UBN2: variants seen among roughly 807,000 people sequenced by gnomAD.
The protein encoded by UBN2 is ubinuclein-2.
UBN2 carries 35 observed loss-of-function variants against 120.2 expected under a neutral mutation model. The observed-to-expected ratio is 0.29, with a 90% CI of 0.22 to 0.39. The LOEUF is 0.39. Among genes scored for constraint, UBN2 ranks in the 10% least tolerant of loss-of-function variants. The pLI is 1.00. For missense variants in UBN2, 1,693 were observed against 1,663.2 expected (o/e 1.02, Z -0.31); for synonymous variants, 661 against 648.7 (o/e 1.02, Z -0.29).
chr7:139,278,498 A>G (rs1156632930), intron 12 of UBN2, among the ~76,000 whole-genome samples: 1 of 151,836 alleles, frequency 6.6e-6, no homozygotes, highest in Non-Finnish European at 1.5e-5. Flanking sequence ...CTTTTTTTAA[A>G]TAGCTTCATT....
rs1211719993 is a variant in UBN2, at chr7:139,299,402, C to CT, written c.*1572dup. 1 of 152,054 alleles carries CT rather than the reference C, an allele frequency of 6.6e-6. No individual in the cohort carries two copies. The highest frequency in any genetic ancestry group is 1.5e-5 in the Non-Finnish European group (1 of 67,980). The allele number at this position is 152,054 out of a possible 1,614,324, so 9.4% of individuals were successfully genotyped here. A position where few individuals can be genotyped will look rare whatever the true frequency, so the allele number is the denominator to read the frequency against. On this transcript the variant is annotated 3_prime_UTR_variant, in exon 18 of 18. Coordinates refer to ENST00000473989, the MANE Select transcript of UBN2 (RefSeq NM_173569.4). The stretch of plus-strand genomic sequence containing the variant: ...CTCAATTAAGAGTATTAACCAGGCC[C>CT]TTTTTTCTTTTATACACAAAAGTCC...
At chr7:139,319,581 A>G in the UBN2 span, among the ~76,000 whole-genome samples, 28,818 of 151,844 alleles carry the variant, frequency 0.19, 3,041 homozygotes, top group Admixed American at 0.34. Context: ...CATAGCAGAC[A>G]CTCCATCTCT....
chr7:139,267,178 C>T (rs996050253), intron 7 of UBN2, among the ~76,000 whole-genome samples: 1 of 152,096 alleles, frequency 6.6e-6, no homozygotes, highest in Non-Finnish European at 1.5e-5. Context: ...AATTTTAGCC[C>T]TCTCTGGTGA....
chr7:139,285,836 G>A (rs946415197), intron 15 of UBN2, among the ~76,000 whole-genome samples: 2 of 151,966 alleles, frequency 1.3e-5, no homozygotes, highest in East Asian at 3.9e-4. Flanking sequence ...TCCGCTTCTC[G>A]GGTTCAGGAG....
rs1306446718 is a variant in UBN2, at chr7:139,258,433, T to C, written c.664-55T>C. On this transcript the variant is annotated intron_variant, in intron 3 of 17. Transcript: ENST00000473989. The stretch of plus-strand genomic sequence containing the variant: ...CATGGTGGATGAATTTCTTTGACAT[T>C]TATAGAGTTAAAGACAACAGGATAT... The C allele has an allele frequency of 6.5e-6, 9 of 1,388,084 alleles. No individual in the cohort carries two copies. In the South Asian group the frequency reaches 1.7e-4, roughly 26 times the overall value. 86.0% of individuals were successfully genotyped at this position (1,388,084 alleles called of 1,614,324 possible). A position where few individuals can be genotyped will look rare whatever the true frequency, so the allele number is the denominator to read the frequency against.
In UBN2 at chr7:139,283,074, G is replaced by A. The variant is rs779606660; in HGVS notation, c.2169G>A (p.Ser723=). Reference sequence around the variant, plus strand: ...AAACTCCAACATCCCTGGTGGCTTCGGTTAGCGGTCCTCCAACGAGCTCCA... The same window carrying A: ...AAACTCCAACATCCCTGGTGGCTTCAGTTAGCGGTCCTCCAACGAGCTCCA... ...DQKTPTSLVA[S]VSGPPTSSST... Residue 723 remains serine (S), a synonymous_variant, in exon 15 of 18, where the codon TCG becomes TCA. Coordinates refer to ENST00000473989, the MANE Select transcript of UBN2 (RefSeq NM_173569.4). 2.5e-5 allele frequency: 41 copies of A among 1,612,686 alleles called. No individual in the cohort carries two copies. Among genetic ancestry groups the A allele is most frequent in the Non-Finnish European group, 3.1e-5 (37 of 1,179,754 alleles).
chr7:139,303,866 A>G lies in UBN2; in HGVS notation c.*6030A>G, dbSNP rs1798312630. On this transcript the variant is annotated 3_prime_UTR_variant, in exon 18 of 18. Transcript: ENST00000473989. ...CAGGTTAACAAGGGAGAGAAATAAC[A>G]CTAAGTTTAAGTAGTTTTTTTTAGC... 6.6e-6 allele frequency: 1 copy of G among 152,210 alleles called. No homozygotes were observed. Among genetic ancestry groups the G allele is most frequent in the African/African-American group, 2.4e-5 (1 of 41,464 alleles). 9.4% of individuals were successfully genotyped at this position (152,210 alleles called of 1,614,324 possible). A position where few individuals can be genotyped will look rare whatever the true frequency, so the allele number is the denominator to read the frequency against.
At chr7:139,266,272 A>G (rs2130994351) in intron 6 of UBN2, 61 bp from the exon 7 acceptor site, 1 of 1,109,938 alleles carries the variant, frequency 9.0e-7, no homozygotes, top group Non-Finnish European at 1.3e-6. Flanking sequence ...CACGTGTCCT[A>G]AGAATGCAAA....
At chr7:139,255,658 A>G (rs1273388982) in intron 3 of UBN2, among the ~76,000 whole-genome samples, 2 of 152,190 alleles carry the variant, frequency 1.3e-5, no homozygotes, top group Non-Finnish European at 2.9e-5. Flanking sequence ...TAATTCAGAC[A>G]TAAAACAACT....
intron 5 of UBN2, 85 bp downstream of exon 5, chr7:139,259,455 A>T: frequency 6.5e-7 from 1 of 1,537,746 alleles, no homozygotes; most frequent in South Asian, 1.2e-5. Context: ...CCATTAACTA[A>T]TTCAACCTAG....
chr7:139,328,738 C>T, the UBN2 span, among the ~76,000 whole-genome samples: 1 of 151,886 alleles, frequency 6.6e-6, no homozygotes, highest in African/African-American at 2.4e-5. Flanking sequence ...GTGGCACATG[C>T]CTGTAGTCCC....
intron 6 of UBN2, 107 bp downstream of exon 6, chr7:139,261,848 G>C (rs1010276571): frequency 2.4e-5 from 27 of 1,144,090 alleles, no homozygotes; most frequent in Non-Finnish European, 3.0e-5. Flanking sequence ...AATTGCTTTT[G>C]TTTTTTAAAG....
intron 2 of UBN2, among the ~76,000 whole-genome samples, chr7:139,244,098 G>C (rs1479994727): frequency 6.6e-6 from 1 of 152,118 alleles, no homozygotes; most frequent in Non-Finnish European, 1.5e-5. Context: ...CAGCTAACCA[G>C]GTCACTCCTT....
Position 139,283,060 on chromosome 7 carries a change from T to C in UBN2, c.2155T>C (p.Ser719Pro), listed in dbSNP as rs751464417. 1 of 1,611,640 alleles carries C rather than the reference T, an allele frequency of 6.2e-7. No homozygotes were observed. Among genetic ancestry groups the C allele is most frequent in the Non-Finnish European group, 8.5e-7 (1 of 1,179,296 alleles). Residue 719 changes from serine (S) to proline (P), a missense_variant, in exon 15 of 18, where the codon TCC (serine) becomes CCC (proline). By Grantham distance (74) the Ser-to-Pro change is moderately conservative (BLOSUM62 -1). Transcript: ENST00000473989. ...SPKKDQKTPTSLVASVSGPPT... is the reference protein window; with the variant it reads ...SPKKDQKTPTPLVASVSGPPT... ...AAAAAAGGACCAGAAAACTCCAACA[T>C]CCCTGGTGGCTTCGGTTAGCGGTCC...
intron 17 of UBN2, among the ~76,000 whole-genome samples, chr7:139,294,709 C>CAG (rs1798061776): frequency 6.6e-6 from 1 of 152,114 alleles, no homozygotes; most frequent in Non-Finnish European, 1.5e-5. Flanking sequence ...GGCCTGATGG[C>CAG]GCATGCCTGT....
intron 7 of UBN2, 119 bp downstream of exon 7, chr7:139,266,522 A>G: frequency 1.9e-6 from 1 of 531,574 alleles, no homozygotes; most frequent in Non-Finnish European, 3.4e-6. Flanking sequence ...CTTAAGCCTT[A>G]CAGCATGTAT....
Position 139,283,087 on chromosome 7 carries a change from C to T in UBN2, c.2182C>T (p.Pro728Ser). 6.2e-7 allele frequency: 1 copy of T among 1,613,144 alleles called. No homozygotes were observed. The highest frequency in any genetic ancestry group is 8.5e-7 in the Non-Finnish European group (1 of 1,179,902). ...TSLVASVSGP[P>S]TSSSTAAIAA... ...CCTGGTGGCTTCGGTTAGCGGTCCT[C>T]CAACGAGCTCCAGCACAGCTGCCAT... The change falls in exon 15 of 18, where the codon CCA (proline) becomes TCA (serine). Residue 728 changes from proline (P) to serine (S), a missense_variant. This residue lies in a region of UBN2 where 837 missense variants were observed against 817.6 expected (regional missense o/e 1.02). Transcript: ENST00000473989.
rs1055311715 is a variant in UBN2, at chr7:139,237,074, G to T, written c.538G>T (p.Ala180Ser). ...HQERQEVEML[A>S]KKFEMKYGGK... Reference sequence around the variant, plus strand: ...GGAGAGGCAAGAGGTGGAAATGTTGGCTAAGAAGTTTGAAATGAAATATGT... The same window carrying T: ...GGAGAGGCAAGAGGTGGAAATGTTGTCTAAGAAGTTTGAAATGAAATATGT... The change falls in exon 2 of 18, where the codon GCT (alanine) becomes TCT (serine). Residue 180 changes from alanine (A) to serine (S), a missense_variant. This residue lies in a region of UBN2 where 663 missense variants were observed against 591.2 expected (regional missense o/e 1.12). Coordinates refer to ENST00000473989, the MANE Select transcript of UBN2 (RefSeq NM_173569.4). The T allele has an allele frequency of 3.1e-6, 5 of 1,609,808 alleles. No individual in the cohort carries two copies. In the Admixed American group the frequency reaches 6.7e-5, roughly 22 times the overall value.
At chr7:139,258,702 C>T (rs747701222) in intron 4 of UBN2, 77 bp downstream of exon 4, 20 of 1,277,728 alleles carry the variant, frequency 1.6e-5, no homozygotes, top group Middle Eastern at 2.0e-4. Context: ...TTGTGTCACA[C>T]GTGTGAATGT....
Sources: allele counts gnomAD v4.1 joint callset (sites outside exome capture counted in the v4.1 genomes callset), GRCh38; gene constraint gnomAD v4.1.1; regional missense constraint gnomAD v4.1.1; transcripts MANE v1.5; gene names NCBI Gene and HGNC (gene_info 2026-07-23, HGNC 2026-07-21).